The following INPP4B variants were observed in gnomAD, a reference collection of about 807,000 sequenced individuals.
The protein encoded by INPP4B is inositol polyphosphate-4-phosphatase type II B.
Under a neutral mutation model 122.5 loss-of-function variants are expected in INPP4B, and 55 were observed. The observed-to-expected ratio is 0.45, with a 90% CI of 0.36 to 0.56. The LOEUF (loss-of-function observed/expected upper bound fraction) is 0.56. Ranked by LOEUF, INPP4B falls within the 20% of genes least tolerant of loss-of-function variation. INPP4B has a pLI of 0.00. For missense variants in INPP4B, 1,000 were observed against 1,097.7 expected, an observed-to-expected ratio of 0.91 and a Z score of 1.26; for synonymous variants, 403 against 388.7, an observed-to-expected ratio of 1.04 and a Z score of -0.43.
At chr4:142,485,477 C>T (rs1403046038) in intron 2 of INPP4B, among the ~76,000 whole-genome samples, 6 of 152,070 alleles carry the variant, frequency 3.9e-5, no homozygotes, top group Admixed American at 3.9e-4. Flanking sequence ...ATTCATTTTT[C>T]ATAATGTAGT....
At chr4:142,333,591 T>C (rs556378459) in intron 7 of INPP4B, among the ~76,000 whole-genome samples, 28 of 152,308 alleles carry the variant, frequency 1.8e-4, no homozygotes, top group Middle Eastern at 3.4e-3. Flanking sequence ...TAGATAAATA[T>C]CATATAATTC....
intron 2 of INPP4B, among the ~76,000 whole-genome samples, chr4:142,624,749 T>C (rs553703710): frequency 5.0e-4 from 76 of 152,110 alleles, no homozygotes; most frequent in East Asian, 2.3e-3. Flanking sequence ...ACTGGCAAAC[T>C]GAATCCAGCA....
chr4:142,086,946 T>C (rs1777146805), intron 23 of INPP4B, among the ~76,000 whole-genome samples: 1 of 152,210 alleles, frequency 6.6e-6, no homozygotes, highest in South Asian at 2.1e-4. Flanking sequence ...CAAGAGAATA[T>C]ATTAAATTGA....
At chr4:142,168,725 C>T (rs1432462030) in intron 16 of INPP4B, among the ~76,000 whole-genome samples, 6 of 151,490 alleles carry the variant, frequency 4.0e-5, no homozygotes, top group African/African-American at 1.2e-4. Flanking sequence ...GTAGCTTATT[C>T]GCATGCATAC....
At chr4:142,109,350 T>C (rs1435218584) in intron 22 of INPP4B, among the ~76,000 whole-genome samples, 2 of 152,148 alleles carry the variant, frequency 1.3e-5, no homozygotes, top group Non-Finnish European at 1.5e-5. Context: ...CTACATACCA[T>C]ACATTGCACC....
chr4:142,046,011 G>A (rs922563699), intron 25 of INPP4B, among the ~76,000 whole-genome samples: 4 of 151,682 alleles, frequency 2.6e-5, no homozygotes, highest in African/African-American at 7.3e-5. Flanking sequence ...TTTTTTGAGG[G>A]GGTGAGCAAA....
chr4:142,517,398 C>A (rs1051029254), intron 2 of INPP4B, among the ~76,000 whole-genome samples: 4 of 151,988 alleles, frequency 2.6e-5, no homozygotes, highest in African/African-American at 9.7e-5. Context: ...AAATCAGACA[C>A]TTAGCCTAAT....
intron 25 of INPP4B, chr4:142,029,970 T>C: frequency 7.2e-7 from 1 of 1,380,178 alleles, no homozygotes; most frequent in Non-Finnish European, 9.4e-7. Context: ...TAATGCATAG[T>C]ACTTTTTGTT....
intron 21 of INPP4B, among the ~76,000 whole-genome samples, chr4:142,118,311 AC>A (rs1794764423): frequency 1.3e-5 from 2 of 151,972 alleles, no homozygotes; most frequent in Non-Finnish European, 2.9e-5. Flanking sequence ...TTCATATGGA[AC>A]CAAAAAAGAG....
At chr4:142,238,826 C>G (rs529284562) in intron 11 of INPP4B, among the ~76,000 whole-genome samples, 1 of 152,106 alleles carries the variant, frequency 6.6e-6, no homozygotes, top group Non-Finnish European at 1.5e-5. Flanking sequence ...ACCACACTTT[C>G]AAGTCATCAG....
rs1293079736 is a variant in INPP4B at position 142,024,798 on chromosome 4, A to T, written c.*3984T>A. 6.6e-6 allele frequency: 1 copy of T among 152,140 alleles called. No individual in the cohort carries two copies. The highest frequency in any genetic ancestry group is 1.5e-5 in the Non-Finnish European group (1 of 68,018). 9.4% of individuals were successfully genotyped at this position (152,140 alleles called of 1,614,324 possible). On this transcript the variant is annotated 3_prime_UTR_variant, in exon 26 of 26. Transcript: ENST00000262992. ...TGAAGTACATTTTTAGTGATATCTG[A>T]TTGGGCTAACAGTTCCCTGAATTTA...
intron 17 of INPP4B, among the ~76,000 whole-genome samples, chr4:142,155,795 C>T (rs1453423895): frequency 6.6e-6 from 1 of 151,690 alleles, no homozygotes; most frequent in Non-Finnish European, 1.5e-5. Context: ...ATCTTATTCC[C>T]AAACATAATC....
At chr4:142,593,104 T>C (rs374089993) in intron 2 of INPP4B, among the ~76,000 whole-genome samples, 1 of 143,136 alleles carries the variant, frequency 7.0e-6, no homozygotes, top group Non-Finnish European at 1.5e-5. Context: ...ATCCTGTTTT[T>C]AAAAAAAAAA....
At chr4:142,844,315 G>T (rs997718216) in intron 1 of INPP4B, among the ~76,000 whole-genome samples, 1 of 152,148 alleles carries the variant, frequency 6.6e-6, no homozygotes, top group Non-Finnish European at 1.5e-5. Flanking sequence ...TAATCAAAGA[G>T]AATACTCTCC....
chr4:142,773,253 TG>T (rs1773362955), intron 1 of INPP4B, among the ~76,000 whole-genome samples: 1 of 152,066 alleles, frequency 6.6e-6, no homozygotes, highest in African/African-American at 2.4e-5. Flanking sequence ...AGAACTCTAG[TG>T]TGGCACAAGA....
At chr4:142,175,734 G>C (rs1389787392) in intron 15 of INPP4B, among the ~76,000 whole-genome samples, 1 of 152,052 alleles carries the variant, frequency 6.6e-6, no homozygotes, top group Non-Finnish European at 1.5e-5. Context: ...AGTGTAGTAA[G>C]GACTTTACAA....
chr4:142,046,866 C>T (rs181377109), intron 25 of INPP4B, among the ~76,000 whole-genome samples: 37 of 152,062 alleles, frequency 2.4e-4, no homozygotes, highest in Middle Eastern at 3.4e-3. Context: ...AGGAAATGAA[C>T]GAGACACCAT....
At chr4:142,395,787 T>G (rs1799168182) in intron 7 of INPP4B, among the ~76,000 whole-genome samples, 1 of 152,132 alleles carries the variant, frequency 6.6e-6, no homozygotes, top group Admixed American at 6.5e-5. Flanking sequence ...CTGAGTGAAA[T>G]GAGCTAGTCA....
intron 2 of INPP4B, among the ~76,000 whole-genome samples, chr4:142,593,816 C>T (rs1408816519): frequency 6.6e-6 from 1 of 152,044 alleles, no homozygotes. Flanking sequence ...TCCCTTCACT[C>T]TATTTCCTAC....
Sources: allele counts gnomAD v4.1 joint callset (sites outside exome capture counted in the v4.1 genomes callset), GRCh38; gene constraint gnomAD v4.1.1; transcripts MANE v1.5; gene names NCBI Gene and HGNC (gene_info 2026-07-23, HGNC 2026-07-21).